The following PAQR7 variants were observed in gnomAD, a reference collection of about 807,000 sequenced individuals.
The protein encoded by PAQR7 is progestin and adipoQ receptor family member 7, also known as membrane progestin receptor alpha.
In PAQR7, 14 loss-of-function variants were observed where a neutral mutation model predicts 24.6. The ratio of observed to expected loss-of-function variants is 0.57; its 90% confidence interval spans 0.38 to 0.89. The LOEUF is 0.89. Among genes scored for constraint, PAQR7 ranks in the 40% least tolerant of loss-of-function variants. The pLI, the probability that PAQR7 is intolerant of heterozygous loss-of-function variation, is 0.00. For missense variants in PAQR7, 351 were observed against 444.0 expected, an observed-to-expected ratio of 0.79 and a Z score of 1.88; for synonymous variants, 189 against 198.8, an observed-to-expected ratio of 0.95 and a Z score of 0.42.
Position 25,863,084 on chromosome 1 carries a change from A to T in PAQR7, c.756T>A (p.Ala252=), listed in dbSNP as rs560680221. ...KCQVVFFLLA[A]AFFSTFMPER... ...CGGGCATGAAGGTAGAGAAGAAGGC[A>T]GCAGCCAGCAGAAAGAAGACCACCT... is the stretch of plus-strand genomic sequence containing the variant. The change falls in exon 3 of 3, where the codon GCT becomes GCA. Residue 252 remains alanine (A), a synonymous_variant. Coordinates refer to ENST00000675840, the MANE Select transcript of PAQR7 (RefSeq NM_178422.6). The surrounding 1 kb of genome is among the most constrained non-coding windows in gnomAD (Gnocchi z 6.1). 2 of 1,614,094 alleles carry T rather than the reference A, an allele frequency of 1.2e-6. No homozygotes were observed. The highest frequency in any genetic ancestry group is 2.2e-5 in the South Asian group (2 of 91,092).
chr1:25,872,264 T>C lies in PAQR7; in HGVS notation c.-108-1570A>G, dbSNP rs370441923. On this transcript the variant is annotated intron_variant, in intron 1 of 2. Transcript: ENST00000675840. ...GGGATTCTCGTCCTGACTCAGCCACTCAATCCCTGTGTGACCTTGGACAAG... is the reference window on the plus strand; with the variant it reads ...GGGATTCTCGTCCTGACTCAGCCACCCAATCCCTGTGTGACCTTGGACAAG... Among the ~76,000 whole-genome samples the C allele has an allele frequency of 1.2e-4, 19 of 152,304 alleles. No individual in the cohort carries two copies. In the South Asian group the frequency reaches 3.1e-3, roughly 25 times the overall value.
intron 2 of PAQR7, among the ~76,000 whole-genome samples, chr1:25,864,616 G>C (rs1244862097): frequency 2.0e-5 from 3 of 152,188 alleles, no homozygotes; most frequent in Non-Finnish European, 4.4e-5. Context: ...CCAGCACTTT[G>C]AGAGGTCAGA....
In PAQR7 at chr1:25,862,899, T is replaced by G. The variant is rs2048522688; in HGVS notation, c.941A>C (p.Asn314Thr). Residue 314 changes from asparagine to threonine, a missense_variant, in exon 3 of 3, where the codon AAC (asparagine) becomes ACC (threonine). Asn to Thr is a moderately conservative substitution (Grantham distance 65). Coordinates refer to ENST00000675840, the MANE Select transcript of PAQR7 (RefSeq NM_178422.6). ...CGTGAGCAGGAAGAGGCCAGAAAAG[T>G]TGTGAGGCCAGTGCGTGTGCAGAGG... Reference protein sequence around the residue: ...YEPLHTHWPHNFSGLFLLTVG... With the variant: ...YEPLHTHWPHTFSGLFLLTVG... 26 of 1,612,988 alleles carry G rather than the reference T, an allele frequency of 1.6e-5. No individual in the cohort carries two copies. Among genetic ancestry groups the G allele is most frequent in the Non-Finnish European group, 1.9e-5 (22 of 1,179,772 alleles).
rs1349367018 is a variant in PAQR7 at position 25,863,771 on chromosome 1, T to G, written c.69A>C (p.Leu23=). The G allele has an allele frequency of 1.9e-6, 3 of 1,613,480 alleles. No individual in the cohort carries two copies. The African/African-American group carries it at 4.0e-5, about 22-fold the overall frequency. The change falls in exon 3 of 3, where the codon CTA becomes CTC. Residue 23 remains leucine, a synonymous_variant. Coordinates refer to ENST00000675840, the MANE Select transcript of PAQR7 (RefSeq NM_178422.6). This position sits in a 1 kb window ranked among gnomAD's most constrained non-coding sequence, Gnocchi z 6.1. ...SLRQVIQEPQ[L]SLQPEPVFTV... ...TGAAGACAGGCTCTGGCTGCAGAGA[T>G]AGCTGAGGCTCCTGGATGACCTGCC... is the stretch of plus-strand genomic sequence containing the variant.
Position 25,862,609 on chromosome 1 carries a change from A to C in PAQR7, c.*190T>G, listed in dbSNP as rs1572274394. ...GGAGCTGGGGCAGGCCCAGGAGTGG[A>C]CCCCAGCAACTCCTAGCCAATCCCT... On this transcript the variant is annotated 3_prime_UTR_variant, in exon 3 of 3. Transcript: ENST00000675840. 1 of 651,262 alleles carries C rather than the reference A, an allele frequency of 1.5e-6. No homozygotes were observed. Among genetic ancestry groups the C allele is most frequent in the African/African-American group, 1.8e-5 (1 of 54,602 alleles). 40.3% of individuals were successfully genotyped at this position (651,262 alleles called of 1,614,324 possible).
chr1:25,873,516 TG>T (rs770240706), intron 1 of PAQR7, among the ~76,000 whole-genome samples: 187 of 152,286 alleles, frequency 1.2e-3, no homozygotes, highest in South Asian at 2.1e-3. Flanking sequence ...TTTTTTTTTT[TG>T]TAACTTTGGC....
intron 2 of PAQR7, among the ~76,000 whole-genome samples, chr1:25,867,296 A>C (rs12058534): frequency 0.066 from 9,991 of 152,118 alleles, 1,117 homozygotes; most frequent in African/African-American, 0.23. Flanking sequence ...CGGCCTCCCA[A>C]AGTGCTGGGA....
At chr1:25,864,467 C>T (rs1046329953) in intron 2 of PAQR7, among the ~76,000 whole-genome samples, 1 of 152,190 alleles carries the variant, frequency 6.6e-6, no homozygotes, top group African/African-American at 2.4e-5. Context: ...CCCTGGACTG[C>T]TCTTTCACAT....
At position 25,863,872 on chromosome 1, in the gene PAQR7, G is replaced by A. The variant is rs2048535373; in HGVS notation, c.-22-11C>T. On this transcript the variant is annotated splice_polypyrimidine_tract_variant and intron_variant, in intron 2 of 2. Transcript: ENST00000675840. This position sits in a 1 kb window ranked among gnomAD's most constrained non-coding sequence, Gnocchi z 6.1. ...GGCCTGGGCAGGGAGCTGGGAGAGA[G>A]ACCAGAGCAAAGTCAGGGGCCTGGT... 6.3e-7 allele frequency: 1 copy of A among 1,575,478 alleles called. No homozygotes were observed. Among genetic ancestry groups the A allele is most frequent in the Non-Finnish European group, 8.6e-7 (1 of 1,162,308 alleles).
rs147924615 is a variant in PAQR7 at position 25,868,900 on chromosome 1, G to A, written c.-23+1709C>T. 6.7e-3 allele frequency among the ~76,000 whole-genome samples: 1,025 copies of A among 151,974 alleles called. 10 individuals carry two copies. Among genetic ancestry groups the A allele is most frequent in the African/African-American group, 0.023 (951 of 41,438 alleles). ...TCCCAGCACTTTGGGAGGCCGAGGT[G>A]GGTGGATCACGAGGTCAAGAGATCG... On this transcript the variant is annotated intron_variant, in intron 2 of 2. Transcript: ENST00000675840.
chr1:25,863,721 G>A lies in PAQR7; in HGVS notation c.119C>T (p.Pro40Leu), dbSNP rs748332122. 12 of 1,614,094 alleles carry A rather than the reference G, an allele frequency of 7.4e-6. No individual in the cohort carries two copies. In the East Asian group the frequency reaches 8.9e-5, roughly 12 times the overall value. The change falls in exon 3 of 3, where the codon CCG becomes CTG. Residue 40 changes from proline (P) to leucine (L), a missense_variant. Transcript: ENST00000675840. The surrounding 1 kb of genome is among the most constrained non-coding windows in gnomAD (Gnocchi z 6.1). ...ATAGATGTACGGCTTCCAGAAGAGC[G>A]GCGGCACCTCAGCTCGATCCACCGT... ...VFTVDRAEVP[P>L]LFWKPYIYAG...
intron 2 of PAQR7, among the ~76,000 whole-genome samples, chr1:25,868,144 C>A (rs1429723186): frequency 6.6e-5 from 10 of 152,308 alleles, no homozygotes; most frequent in African/African-American, 2.4e-4. Flanking sequence ...AACTGAGAAC[C>A]TTGGGGGGAC....
At chr1:25,871,806 C>T (rs2048607913) in intron 1 of PAQR7, among the ~76,000 whole-genome samples, 1 of 152,234 alleles carries the variant, frequency 6.6e-6, no homozygotes, top group South Asian at 2.1e-4. Context: ...AGCCTCAACG[C>T]TACCCAGGCA....
At position 25,862,720 on chromosome 1, in the gene PAQR7, G is replaced by C; in HGVS notation, c.*79C>G. ...GGGCCAGACACAAACAACTTTACCAGGCCTTGTTCCCACCTGGAGCCAAAC... is the reference window on the plus strand; with the variant it reads ...GGGCCAGACACAAACAACTTTACCACGCCTTGTTCCCACCTGGAGCCAAAC... On this transcript the variant is annotated 3_prime_UTR_variant, in exon 3 of 3. Coordinates refer to ENST00000675840, the MANE Select transcript of PAQR7 (RefSeq NM_178422.6). 1 of 1,418,286 alleles carries C rather than the reference G, an allele frequency of 7.1e-7. No individual in the cohort carries two copies. Among genetic ancestry groups the C allele is most frequent in the Non-Finnish European group, 9.6e-7 (1 of 1,036,296 alleles). 87.9% of individuals were successfully genotyped at this position (1,418,286 alleles called of 1,614,324 possible).
At chr1:25,874,628 G>A (rs756510707) in intron 1 of PAQR7, among the ~76,000 whole-genome samples, 3 of 152,154 alleles carry the variant, frequency 2.0e-5, no homozygotes, top group African/African-American at 7.2e-5. Flanking sequence ...TCAGACTTGG[G>A]GTCCTGGGCT....
In PAQR7 at chr1:25,863,554, C is replaced by T. The variant is rs375757917; in HGVS notation, c.286G>A (p.Val96Met). ...LLRLALFVETVDFWGDPHALP... is the reference protein window; with the variant it reads ...LLRLALFVETMDFWGDPHALP... ...GCGTGTGGGTCTCCCCAGAAGTCCA[C>T]GGTCTCCACAAAGAGGGCCAGCCGC... Residue 96 changes from valine (V) to methionine (M), a missense_variant, in exon 3 of 3, where the codon GTG becomes ATG. Val to Met is a conservative substitution (Grantham distance 21). Coordinates refer to ENST00000675840, the MANE Select transcript of PAQR7 (RefSeq NM_178422.6). The surrounding 1 kb of genome is among the most constrained non-coding windows in gnomAD (Gnocchi z 6.1). The T allele has an allele frequency of 1.5e-5, 24 of 1,614,006 alleles. No individual in the cohort carries two copies. The highest frequency in any genetic ancestry group is 4.5e-5 in the East Asian group (2 of 44,884).
intron 2 of PAQR7, among the ~76,000 whole-genome samples, chr1:25,865,144 C>CAA (rs57710249): frequency 3.2e-5 from 3 of 95,208 alleles, no homozygotes; most frequent in Non-Finnish European, 6.9e-5. Flanking sequence ...GACTCCGTCT[C>CAA]AAAAAAAAAA....
At chr1:25,871,071 A>G (rs2048602115) in intron 1 of PAQR7, 1 of 152,292 alleles carries the variant, frequency 6.6e-6, no homozygotes. Context: ...TTAGCCCTCA[A>G]TAGCTAGTTC....
chr1:25,875,077 C>A lies in PAQR7; in HGVS notation c.-109+411G>T, dbSNP rs2124205801. Reference sequence around the variant, plus strand: ...CTGCTCCAGGAAGGCAGCGGCCTTGCCCGGGCCAGACGCCCCTACCCACTC... The same window carrying A: ...CTGCTCCAGGAAGGCAGCGGCCTTGACCGGGCCAGACGCCCCTACCCACTC... On this transcript the variant is annotated intron_variant, in intron 1 of 2. Transcript: ENST00000675840. This position sits in a 1 kb window ranked among gnomAD's most constrained non-coding sequence, Gnocchi z 5.4. Among the ~76,000 whole-genome samples the A allele has an allele frequency of 6.6e-6, 1 of 152,332 alleles. No individual in the cohort carries two copies. Among genetic ancestry groups the A allele is most frequent in the East Asian group, 1.9e-4 (1 of 5,174 alleles).
Sources: gnomAD v4.1 joint callset for allele counts (sites outside exome capture counted in the v4.1 genomes callset) on GRCh38, gnomAD v4.1.1 for gene constraint, Gnocchi (gnomAD v3.1) non-coding constraint, MANE v1.5 for transcripts, NCBI Gene and HGNC (gene_info 2026-07-23, HGNC 2026-07-21) for gene names.